The following OSGIN2 variants were observed in gnomAD, a reference collection of about 807,000 sequenced individuals.
The protein encoded by OSGIN2 is oxidative stress-induced growth inhibitor 2.
A neutral mutation model predicts 53.8 loss-of-function variants in OSGIN2; 19 were observed. The observed-to-expected ratio is 0.35, with a 90% CI of 0.25 to 0.52. The LOEUF (loss-of-function observed/expected upper bound fraction) is 0.52, where lower values mean the gene tolerates loss of function less well. OSGIN2 is among the 20% of genes least tolerant of loss of function. The pLI, the probability that OSGIN2 is intolerant of heterozygous loss-of-function variation, is 0.95. For missense variants in OSGIN2, 520 were observed against 662.7 expected (o/e 0.78, Z 2.36); for synonymous variants, 236 against 236.0 (o/e 1.00, Z 0.00).
chr8:89,918,468 C>G (rs563067871), intron 4 of OSGIN2, among the ~76,000 whole-genome samples: 6 of 152,072 alleles, frequency 3.9e-5, no homozygotes, highest in African/African-American at 1.4e-4. Context: ...CCAGCTGACT[C>G]TTGTTCTTTA....
intron 1 of OSGIN2, among the ~76,000 whole-genome samples, chr8:89,908,132 C>T (rs530825158): frequency 7.2e-5 from 11 of 152,200 alleles, no homozygotes; most frequent in African/African-American, 2.6e-4. Context: ...GAGGTAGAAG[C>T]GGGCATGGGC....
chr8:89,914,701 C>G lies in OSGIN2; in HGVS notation c.483C>G (p.Ile161Met), dbSNP rs746251991. The part of the protein sequence containing the change: ...LHWKLEQHHY[I>M]PHVVLGKGPP... ...GGAAATTAGAGCAACATCATTATAT[C>G]CCTCACGTAGTTCTTGGTAAAGGTC... The change falls in exon 4 of 6, where the codon ATC (isoleucine) becomes ATG (methionine). Residue 161 changes from isoleucine to methionine, a missense_variant. This residue lies in a region of OSGIN2 where 203 missense variants were observed against 275.3 expected (regional missense o/e 0.74). Transcript: ENST00000451899. 1 of 1,613,958 alleles carries G rather than the reference C, an allele frequency of 6.2e-7. No individual in the cohort carries two copies. Among genetic ancestry groups the G allele is most frequent in the East Asian group, 2.2e-5 (1 of 44,882 alleles).
At chr8:89,921,785 C>T (rs919707387) in intron 5 of OSGIN2, among the ~76,000 whole-genome samples, 1 of 152,046 alleles carries the variant, frequency 6.6e-6, no homozygotes, top group Non-Finnish European at 1.5e-5. Context: ...CGTTTGAGGC[C>T]AGCTTGACCA....
intron 2 of OSGIN2, among the ~76,000 whole-genome samples, chr8:89,910,949 G>A (rs1808955506): frequency 6.6e-6 from 1 of 152,218 alleles, no homozygotes; most frequent in African/African-American, 2.4e-5. Flanking sequence ...TGTTGCCGCT[G>A]TAACAAATTA....
At chr8:89,909,851 C>T in intron 2 of OSGIN2, 130 bp downstream of exon 2, 1 of 516,266 alleles carries the variant, frequency 1.9e-6, no homozygotes, top group Non-Finnish European at 3.2e-6. Flanking sequence ...TGCTAAAAAA[C>T]TAATAACCAA....
chr8:89,906,587 A>G (rs1389115668), intron 1 of OSGIN2, among the ~76,000 whole-genome samples: 2 of 151,870 alleles, frequency 1.3e-5, no homozygotes, highest in Admixed American at 1.3e-4. Flanking sequence ...AGCTCCATCT[A>G]TGTCCCTGCA....
intron 3 of OSGIN2, 55 bp from the exon 4 acceptor site, chr8:89,914,500 A>G: frequency 7.4e-7 from 1 of 1,349,242 alleles, no homozygotes; most frequent in Admixed American, 1.8e-5. Context: ...ATTAGAATAT[A>G]CTATCTGGGA....
intron 1 of OSGIN2, among the ~76,000 whole-genome samples, 180 bp downstream of exon 1, chr8:89,903,017 C>T (rs1055868633): frequency 3.3e-5 from 5 of 152,140 alleles, no homozygotes; most frequent in Admixed American, 3.3e-4. Flanking sequence ...GGGGTCCTTG[C>T]TCCGGGGAGC....
intron 1 of OSGIN2, among the ~76,000 whole-genome samples, chr8:89,905,137 A>T (rs187195924): frequency 1.4e-4 from 22 of 152,332 alleles, no homozygotes; most frequent in African/African-American, 5.1e-4. Flanking sequence ...TCTTTTTGTT[A>T]TCCTGATACT....
chr8:89,908,569 A>G (rs904680983), intron 1 of OSGIN2, among the ~76,000 whole-genome samples: 1 of 152,116 alleles, frequency 6.6e-6, no homozygotes, highest in Non-Finnish European at 1.5e-5. Flanking sequence ...ACACTTACCC[A>G]CTAGTAGATA....
intron 2 of OSGIN2, 58 bp downstream of exon 2, chr8:89,909,779 A>T: frequency 9.0e-7 from 1 of 1,115,562 alleles, no homozygotes; most frequent in Non-Finnish European, 1.3e-6. Context: ...ATACTTTTAT[A>T]AATCTACAGT....
Position 89,927,193 on chromosome 8 carries a change from G to A in OSGIN2, c.*1661G>A, listed in dbSNP as rs1809355041. ...TGTCACTTCTAAATAGAAAATGACAGTGTTATAAAAAAGGGAAGGATAAAA... is the reference window on the plus strand; with the variant it reads ...TGTCACTTCTAAATAGAAAATGACAATGTTATAAAAAAGGGAAGGATAAAA... On this transcript the variant is annotated 3_prime_UTR_variant, in exon 6 of 6. Transcript: ENST00000451899. 6.6e-6 allele frequency: 1 copy of A among 151,916 alleles called. No individual in the cohort carries two copies. Among genetic ancestry groups the A allele is most frequent in the African/African-American group, 2.4e-5 (1 of 41,360 alleles). 9.4% of individuals were successfully genotyped at this position (151,916 alleles called of 1,614,324 possible). A position where few individuals can be genotyped will look rare whatever the true frequency, so the allele number is the denominator to read the frequency against.
intron 4 of OSGIN2, among the ~76,000 whole-genome samples, chr8:89,917,475 G>T (rs1192484064): frequency 6.6e-6 from 1 of 151,988 alleles, no homozygotes; most frequent in Non-Finnish European, 1.5e-5. Flanking sequence ...TGTCACATAG[G>T]TTTGTCATAC....
intron 3 of OSGIN2, 44 bp from the exon 4 acceptor site, chr8:89,914,511 A>G (rs758356696): frequency 6.8e-7 from 1 of 1,470,490 alleles, no homozygotes; most frequent in East Asian, 2.3e-5. Flanking sequence ...CTATCTGGGA[A>G]ATGCTGGCTT....
At position 89,902,872 on chromosome 8, in the gene OSGIN2, C is replaced by T. The variant is rs977501319; in HGVS notation, c.44+35C>T. On this transcript the variant is annotated intron_variant, in intron 1 of 5. Coordinates refer to ENST00000451899, the MANE Select transcript of OSGIN2 (RefSeq NM_001126111.3). ...TCGCCGGGGATGGGAGGGGAGCAGG[C>T]GGGGATGCCGCGCTCTCGAGCTTTT... The T allele has an allele frequency of 4.5e-6, 6 of 1,322,538 alleles. No individual in the cohort carries two copies. The African/African-American group carries it at 4.6e-5, about 10-fold the overall frequency. The allele number at this position is 1,322,538 out of a possible 1,614,324, so 81.9% of individuals were successfully genotyped here.
intron 1 of OSGIN2, among the ~76,000 whole-genome samples, chr8:89,905,837 G>T (rs948226744): frequency 6.6e-6 from 1 of 152,136 alleles, no homozygotes; most frequent in Non-Finnish European, 1.5e-5. Context: ...TAAATTCAAC[G>T]GTGTTGCAGG....
At chr8:89,904,073 G>T (rs1179471574) in intron 1 of OSGIN2, among the ~76,000 whole-genome samples, 1 of 152,194 alleles carries the variant, frequency 6.6e-6, no homozygotes, top group Non-Finnish European at 1.5e-5. Context: ...AGTTTAGAAT[G>T]AGTCTCTAGG....
At chr8:89,922,932 T>C (rs1809239872) in intron 5 of OSGIN2, among the ~76,000 whole-genome samples, 1 of 152,150 alleles carries the variant, frequency 6.6e-6, no homozygotes, top group African/African-American at 2.4e-5. Context: ...CAATTGTAAG[T>C]ATTTTTGTAT....
chr8:89,908,199 T>C (rs1456795406), intron 1 of OSGIN2, among the ~76,000 whole-genome samples: 1 of 152,080 alleles, frequency 6.6e-6, no homozygotes, highest in African/African-American at 2.4e-5. Context: ...GAGTCAGAAA[T>C]AGATGGATTG....
Sources: allele counts gnomAD v4.1 joint callset (sites outside exome capture counted in the v4.1 genomes callset), GRCh38; gene constraint gnomAD v4.1.1; regional missense constraint gnomAD v4.1.1; transcripts MANE v1.5; gene names NCBI Gene and HGNC (gene_info 2026-07-23, HGNC 2026-07-21).